Variants in NWD2 observed in about 807,000 individuals in gnomAD.
NWD2 encodes the protein NACHT and WD repeat domain containing 2, also known as NACHT and WD repeat domain-containing protein 2.
In NWD2, 37 loss-of-function variants were observed where a neutral mutation model predicts 132.7. The observed-to-expected ratio is 0.28, with a 90% CI of 0.21 to 0.37. The LOEUF (loss-of-function observed/expected upper bound fraction) is 0.37. NWD2 is among the 10% of genes least tolerant of loss of function. The pLI, the probability that NWD2 is intolerant of heterozygous loss-of-function variation, is 1.00. For missense variants in NWD2, 1,592 were observed against 2,122.4 expected, an observed-to-expected ratio of 0.75 and a Z score of 4.91; for synonymous variants, 705 against 803.0, an observed-to-expected ratio of 0.88 and a Z score of 2.06.
At chr4:37,371,478 C>T (rs1479761) in intron 3 of NWD2, among the ~76,000 whole-genome samples, 140,593 of 152,276 alleles carry the variant, frequency 0.92, 65,118 homozygotes, top group Middle Eastern at 0.98. Flanking sequence ...ACAGTTTCTT[C>T]AGTAAAGTTC....
rs140110785 is a variant in NWD2, at chr4:37,268,116, G to T, written c.151+22898G>T. ...ATCAAACTACTCTCACCACCTGTGG[G>T]ATAAAGTCTGAACTCAAGGGCCTGA... On this transcript the variant is annotated intron_variant, in intron 1 of 6. Transcript: ENST00000309447. 1.3e-3 allele frequency among the ~76,000 whole-genome samples: 191 copies of T among 151,994 alleles called. 3 individuals carry two copies. Among genetic ancestry groups the T allele is most frequent in the South Asian group, 3.1e-3 (15 of 4,820 alleles).
intron 2 of NWD2, among the ~76,000 whole-genome samples, chr4:37,343,365 G>A (rs1475557861): frequency 6.6e-6 from 1 of 152,186 alleles, no homozygotes; most frequent in African/African-American, 2.4e-5. Flanking sequence ...ATTTTTAGTG[G>A]TAGCAGATGT....
rs1420729335 is a variant in NWD2, at chr4:37,446,299, C to G, written c.4311C>G (p.Thr1437=). 3 of 1,551,766 alleles carry G rather than the reference C, an allele frequency of 1.9e-6. No individual in the cohort carries two copies. The highest frequency in any genetic ancestry group is 1.7e-6 in the Non-Finnish European group (2 of 1,147,020). ...ATGHRVCNIL[T]TLQNAFITSA... is the part of the protein sequence containing the mutation. ...GCCACAGGGTCTGCAACATTCTGAC[C>G]ACTTTGCAGAATGCCTTTATTACCT... The change falls in exon 7 of 7, where the codon ACC becomes ACG. Residue 1437 remains threonine, a synonymous_variant. Transcript: ENST00000309447. The surrounding 1 kb of genome is among the most constrained non-coding windows in gnomAD (Gnocchi z 6.7).
chr4:37,411,440 G>A (rs1721154913), intron 3 of NWD2, among the ~76,000 whole-genome samples: 1 of 152,176 alleles, frequency 6.6e-6, no homozygotes, highest in South Asian at 2.1e-4. Flanking sequence ...CCAGGAAGAA[G>A]TCAAACCTCT....
chr4:37,274,505 AG>A (rs2109264986), intron 1 of NWD2, among the ~76,000 whole-genome samples: 1 of 152,340 alleles, frequency 6.6e-6, no homozygotes, highest in East Asian at 1.9e-4. Flanking sequence ...CAGCGGTACA[AG>A]AAGGAGCTGG....
chr4:37,430,800 A>G, intron 4 of NWD2, 25 bp downstream of exon 4: 1 of 1,534,198 alleles, frequency 6.5e-7, no homozygotes, highest in East Asian at 2.4e-5. Context: ...CCTCAAGCCT[A>G]TGGATCTGTC....
intron 3 of NWD2, among the ~76,000 whole-genome samples, chr4:37,421,091 GC>G (rs984358824): frequency 1.3e-4 from 20 of 152,142 alleles, no homozygotes; most frequent in African/African-American, 4.8e-4. Flanking sequence ...ACAGGTGCCC[GC>G]CACCATGCCC....
intron 5 of NWD2, among the ~76,000 whole-genome samples, chr4:37,436,998 G>A (rs1712339137): frequency 6.6e-6 from 1 of 152,002 alleles, no homozygotes; most frequent in Admixed American, 6.6e-5. Context: ...TTTCATTTAG[G>A]TTGAAAATTT....
chr4:37,420,927 C>T (rs901275750), intron 3 of NWD2, among the ~76,000 whole-genome samples: 1 of 152,078 alleles, frequency 6.6e-6, no homozygotes, highest in African/African-American at 2.4e-5. Flanking sequence ...TTCCAGCCAG[C>T]TTAATCTTTT....
rs1250541546 is a variant in NWD2, at chr4:37,439,324, C to T, written c.1230C>T (p.Asn410=). ...YILPSKAGHI[N]PLIIYGGPCT... is the part of the protein sequence containing the mutation. ...TTCCAAGCAAAGCTGGACACATCAACCCTCTTATTATATATGGTGGGCCAT... is the reference window on the plus strand; with the variant it reads ...TTCCAAGCAAAGCTGGACACATCAATCCTCTTATTATATATGGTGGGCCAT... The change falls in exon 6 of 7, where the codon AAC becomes AAT. Residue 410 remains asparagine, a synonymous_variant. Transcript: ENST00000309447. The surrounding 1 kb of genome is among the most constrained non-coding windows in gnomAD (Gnocchi z 4.5). The T allele has an allele frequency of 3.2e-6, 5 of 1,546,172 alleles. No homozygotes were observed. The highest frequency in any genetic ancestry group is 4.4e-6 in the Non-Finnish European group (5 of 1,145,166).
chr4:37,369,013 A>T (rs1720160147), intron 3 of NWD2, among the ~76,000 whole-genome samples: 1 of 152,200 alleles, frequency 6.6e-6, no homozygotes, highest in African/African-American at 2.4e-5. Context: ...CTTCAGAGAC[A>T]GAATTGGTAA....
intron 1 of NWD2, among the ~76,000 whole-genome samples, chr4:37,267,839 A>G (rs534651888): frequency 3.9e-4 from 59 of 152,068 alleles, no homozygotes; most frequent in African/African-American, 1.3e-3. Flanking sequence ...TGAGGGGGAA[A>G]AAACACAGAA....
intron 1 of NWD2, among the ~76,000 whole-genome samples, chr4:37,296,816 C>A (rs1257329964): frequency 4.6e-5 from 7 of 152,058 alleles, no homozygotes; most frequent in Admixed American, 3.3e-4. Context: ...TAACAAAAAA[C>A]CACTTGTACC....
intron 4 of NWD2, among the ~76,000 whole-genome samples, chr4:37,431,558 C>T (rs1712180256): frequency 6.6e-6 from 1 of 152,156 alleles, no homozygotes; most frequent in African/African-American, 2.4e-5. Flanking sequence ...AGGTCACAAA[C>T]TTTCATGGTG....
At chr4:37,436,600 T>C (rs1167035437) in intron 5 of NWD2, among the ~76,000 whole-genome samples, 1 of 152,160 alleles carries the variant, frequency 6.6e-6, no homozygotes, top group Non-Finnish European at 1.5e-5. Context: ...GTTGAATTGC[T>C]TTCTGGGAGT....
At chr4:37,432,888 A>G (rs1016730984) in intron 4 of NWD2, among the ~76,000 whole-genome samples, 2 of 152,172 alleles carry the variant, frequency 1.3e-5, no homozygotes, top group Admixed American at 6.5e-5. Context: ...TGAGTAGAAT[A>G]TTTAGGGAGA....
intron 3 of NWD2, among the ~76,000 whole-genome samples, chr4:37,415,272 C>A (rs1414156027): frequency 6.6e-6 from 1 of 152,190 alleles, no homozygotes; most frequent in African/African-American, 2.4e-5. Flanking sequence ...ACTCTCAGAT[C>A]TCTTGGCTTT....
intron 1 of NWD2, among the ~76,000 whole-genome samples, chr4:37,247,526 T>C (rs1233387707): frequency 2.6e-5 from 4 of 152,236 alleles, no homozygotes; most frequent in African/African-American, 4.8e-5. Context: ...AGTATTGTTT[T>C]AATAGGTAGT....
intron 3 of NWD2, among the ~76,000 whole-genome samples, chr4:37,362,507 A>G (rs1324304244): frequency 6.6e-6 from 1 of 152,248 alleles, no homozygotes; most frequent in Non-Finnish European, 1.5e-5. Flanking sequence ...GAACCCAGAA[A>G]TAAAGCTGCA....
Sources: allele counts gnomAD v4.1 joint callset (sites outside exome capture counted in the v4.1 genomes callset), GRCh38; gene constraint gnomAD v4.1.1; non-coding constraint Gnocchi (gnomAD v3.1); transcripts MANE v1.5; gene names NCBI Gene and HGNC (gene_info 2026-07-23, HGNC 2026-07-21).